The following CAPN14 variants were observed in gnomAD, a reference collection of about 807,000 sequenced individuals.
CAPN14 encodes calpain-14.
In CAPN14, 94 loss-of-function variants were observed where a neutral mutation model predicts 101.3. The ratio of observed to expected loss-of-function variants is 0.93; its 90% CI spans 0.79 to 1.10. The LOEUF is 1.10. Among genes scored for constraint, CAPN14 ranks in the 50% least tolerant of loss-of-function variants. The pLI, the probability that CAPN14 is intolerant of heterozygous loss-of-function variation, is 0.00. For missense variants in CAPN14, 837 were observed against 828.4 expected (o/e 1.01, Z -0.13); for synonymous variants, 338 against 317.9 (o/e 1.06, Z -0.67).
chr2:31,198,934 G>A (rs1385436733), intron 7 of CAPN14, among the ~76,000 whole-genome samples: 8 of 152,118 alleles, frequency 5.3e-5, no homozygotes, highest in Non-Finnish European at 1.0e-4. Flanking sequence ...TCTTATCCAT[G>A]AATTCCTAAA....
intron 1 of CAPN14, among the ~76,000 whole-genome samples, chr2:31,215,270 C>G (rs1212978102): frequency 1.3e-5 from 2 of 149,496 alleles, no homozygotes; most frequent in Non-Finnish European, 3.0e-5. Flanking sequence ...AAATTCATTC[C>G]TTTTTTTTTT....
rs1683153479 is a variant in CAPN14, at chr2:31,230,337, T to C, written c.-177+3454A>G. 6.6e-6 allele frequency among the ~76,000 whole-genome samples: 1 copy of C among 152,266 alleles called. No individual in the cohort carries two copies. The highest frequency in any genetic ancestry group is 2.4e-5 in the African/African-American group (1 of 41,470). The stretch of plus-strand genomic sequence containing the variant: ...AACATTCTTAAGACTTATCTCCCTA[T>C]GCACATGTGCAAGAGTTTCTCTAGA... On this transcript the variant is annotated intron_variant and NMD_transcript_variant, in intron 1 of 21. Coordinates refer to the CAPN14 transcript ENST00000398824. This position sits in a 1 kb window ranked among gnomAD's most constrained non-coding sequence, Gnocchi z 4.3.
At position 31,201,943 on chromosome 2, in the gene CAPN14, T is replaced by C; in HGVS notation, c.470A>G (p.Asn157Ser). The change falls in exon 5 of 22, where the codon AAT becomes AGT. Residue 157 changes from asparagine (N) to serine (S), a missense_variant. Transcript: ENST00000403897. ...PVVIDDRLPV[N>S]EAGQLVFVSS... Reference sequence around the variant, plus strand: ...GACAAAGACCAGCTGGCCAGCCTCATTCACAGGCAGACGGTCATCGATCAC... The same window carrying C: ...GACAAAGACCAGCTGGCCAGCCTCACTCACAGGCAGACGGTCATCGATCAC... 6.4e-7 allele frequency: 1 copy of C among 1,551,704 alleles called. No individual in the cohort carries two copies. The highest frequency in any genetic ancestry group is 1.2e-5 in the South Asian group (1 of 84,062).
chr2:31,197,917 G>C (rs1043819956), intron 7 of CAPN14, among the ~76,000 whole-genome samples: 1 of 152,196 alleles, frequency 6.6e-6, no homozygotes, highest in African/African-American at 2.4e-5. Context: ...CTCACACCTT[G>C]ATTTCAGACT....
In CAPN14 at chr2:31,174,602, G is replaced by T; in HGVS notation, c.*79C>A. ...TCCTGAAGATCAGTAAGTAGGGTGGGCATGGGTTGGTCTCAGCCAAAGGCT... is the reference window on the plus strand; with the variant it reads ...TCCTGAAGATCAGTAAGTAGGGTGGTCATGGGTTGGTCTCAGCCAAAGGCT... On this transcript the variant is annotated 3_prime_UTR_variant, in exon 22 of 22. Transcript: ENST00000403897. 2.8e-6 allele frequency: 4 copies of T among 1,433,020 alleles called. No individual in the cohort carries two copies. The highest frequency in any genetic ancestry group is 3.8e-6 in the Non-Finnish European group (4 of 1,040,938). The allele number at this position is 1,433,020 out of a possible 1,614,324, so 88.8% of individuals were successfully genotyped here.
chr2:31,224,078 G>A (rs1455469938), intron 2 of CAPN14, among the ~76,000 whole-genome samples: 1 of 152,136 alleles, frequency 6.6e-6, no homozygotes, highest in Admixed American at 6.5e-5. Context: ...TCTTTAACAT[G>A]TGAATTCCGT....
At chr2:31,214,789 G>A (rs1051196807) in intron 1 of CAPN14, among the ~76,000 whole-genome samples, 20 of 152,210 alleles carry the variant, frequency 1.3e-4, no homozygotes, top group African/African-American at 4.8e-4. Flanking sequence ...CTTTCCCTGA[G>A]CAAAGGAACA....
At position 31,186,433 on chromosome 2, in the gene CAPN14, C is replaced by T. The variant is rs2148677271; in HGVS notation, c.1640G>A (p.Trp547Ter). ...QLQNLLNQMT[W>*]SSLGSRQPFF... ...AATGGCTCTAAAACACTTACTTGACCAGGTCATCTGGTTCAGGAGGTTCTG... is the reference window on the plus strand; with the variant it reads ...AATGGCTCTAAAACACTTACTTGACTAGGTCATCTGGTTCAGGAGGTTCTG... Residue 547 changes from tryptophan (W) to a stop codon, truncating the protein, a stop_gained, in exon 16 of 22, where the codon TGG becomes TAG. Coordinates refer to ENST00000403897, the MANE Select transcript of CAPN14 (RefSeq NM_001145122.2). LOFTEE classifies it high-confidence loss of function. The T allele has an allele frequency of 1.9e-6, 3 of 1,548,626 alleles. No individual in the cohort carries two copies. Among genetic ancestry groups the T allele is most frequent in the Non-Finnish European group, 1.7e-6 (2 of 1,145,732 alleles).
chr2:31,203,204 C>T, intron 2 of CAPN14, 65 bp from the exon 3 acceptor site: 1 of 1,280,114 alleles, frequency 7.8e-7, no homozygotes, highest in Non-Finnish European at 1.1e-6. Context: ...GCTACAGTGA[C>T]CACGTTTTCC....
rs561663826 is a variant in CAPN14, at chr2:31,225,505, A to G, written c.-53+1023T>C. On this transcript the variant is annotated intron_variant and NMD_transcript_variant, in intron 2 of 21. Coordinates refer to the CAPN14 transcript ENST00000398824. The stretch of plus-strand genomic sequence containing the variant: ...ATAATTTCATTTATTAAATATATAC[A>G]AAGAAAATAAAACCATGGATGAATA... Among the ~76,000 whole-genome samples the G allele has an allele frequency of 6.6e-5, 10 of 152,182 alleles. No homozygotes were observed. In the East Asian group the frequency reaches 1.7e-3, roughly 26 times the overall value.
In CAPN14 at chr2:31,174,677, CTT is replaced by C. The variant is rs1558606914; in HGVS notation, c.*2_*3del. 1 of 1,551,610 alleles carries C rather than the reference CTT, an allele frequency of 6.4e-7. No homozygotes were observed. The highest frequency in any genetic ancestry group is 8.7e-7 in the Non-Finnish European group (1 of 1,146,994). ...TCAGTGAGGGCAGGTGAGACTCAGC[CTT>C]CTCAGGAGTACAGTGCCATCATCAT... is the stretch of plus-strand genomic sequence containing the variant. On this transcript the variant is annotated 3_prime_UTR_variant, in exon 22 of 22. Transcript: ENST00000403897.
intron 2 of CAPN14, among the ~76,000 whole-genome samples, chr2:31,223,712 T>C (rs1453777001): frequency 6.6e-6 from 1 of 151,962 alleles, no homozygotes; most frequent in Non-Finnish European, 1.5e-5. Context: ...GTATTTTTAG[T>C]AGAGATGAGG....
At chr2:31,216,206 CA>C (rs778533822) in intron 1 of CAPN14, among the ~76,000 whole-genome samples, 4 of 152,156 alleles carry the variant, frequency 2.6e-5, no homozygotes, top group Admixed American at 1.3e-4. Flanking sequence ...ACATAACTTT[CA>C]AAAGTGACAA....
intron 1 of CAPN14, among the ~76,000 whole-genome samples, chr2:31,208,661 G>A (rs1420306557): frequency 6.6e-6 from 1 of 152,168 alleles, no homozygotes; most frequent in Non-Finnish European, 1.5e-5. Flanking sequence ...AAACCAGTTG[G>A]CGGTTCTTGC....
intron 2 of CAPN14, among the ~76,000 whole-genome samples, chr2:31,203,866 T>C (rs1377642113): frequency 6.6e-6 from 1 of 152,216 alleles, no homozygotes; most frequent in Non-Finnish European, 1.5e-5. Flanking sequence ...CTAGCTGTGT[T>C]CCTGAAATCT....
upstream of CAPN14, among the ~76,000 whole-genome samples, chr2:31,221,198 A>G (rs1191027757): frequency 6.6e-6 from 1 of 152,228 alleles, no homozygotes; most frequent in Non-Finnish European, 1.5e-5. Context: ...TCTCAACAGA[A>G]GGGTGTTTTC....
intron 1 of CAPN14, among the ~76,000 whole-genome samples, chr2:31,228,093 G>A (rs1423736234): frequency 6.6e-6 from 1 of 152,244 alleles, no homozygotes; most frequent in African/African-American, 2.4e-5. Flanking sequence ...AGGCACGCAT[G>A]CGTGCATGGT....
upstream of CAPN14, among the ~76,000 whole-genome samples, chr2:31,222,331 T>A (rs921327359): frequency 2.6e-5 from 4 of 152,150 alleles, no homozygotes; most frequent in East Asian, 1.9e-4. Context: ...TACCTGGGCC[T>A]CCCGAACACA....
intron 1 of CAPN14, among the ~76,000 whole-genome samples, chr2:31,206,445 G>A (rs561105603): frequency 9.8e-5 from 15 of 152,310 alleles, no homozygotes; most frequent in African/African-American, 3.4e-4. Flanking sequence ...CAGAGATGGG[G>A]TTTCGCCATG....
Sources: allele counts gnomAD v4.1 joint callset (sites outside exome capture counted in the v4.1 genomes callset), GRCh38; gene constraint gnomAD v4.1.1; non-coding constraint Gnocchi (gnomAD v3.1); transcripts MANE v1.5; gene names NCBI Gene and HGNC (gene_info 2026-07-23, HGNC 2026-07-21).